The following DNER variants were observed in gnomAD, a reference collection of about 807,000 sequenced individuals.
The protein encoded by DNER is delta/notch like EGF repeat containing, also known as delta and Notch-like epidermal growth factor-related receptor.
In DNER, 33 loss-of-function variants were observed where a neutral mutation model predicts 78.2. The observed-to-expected ratio is 0.42, with a 90% CI of 0.32 to 0.56. The LOEUF is 0.56. Ranked by LOEUF, DNER falls within the 20% of genes least tolerant of loss-of-function variation. The pLI, the probability that DNER is intolerant of heterozygous loss-of-function variation, is 0.11. For synonymous variants in DNER, 417 were observed against 384.8 expected (o/e 1.08, Z -0.98); for missense variants, 918 against 975.3 (o/e 0.94, Z 0.78).
At chr2:229,401,358 C>G (rs78458076) in intron 10 of DNER, among the ~76,000 whole-genome samples, 8,900 of 152,110 alleles carry the variant, frequency 0.059, 310 homozygotes, top group Middle Eastern at 0.085. Context: ...TTTATGTTCA[C>G]ACATAAACCT....
At chr2:229,471,016 A>G (rs561876890) in intron 7 of DNER, among the ~76,000 whole-genome samples, 1 of 149,908 alleles carries the variant, frequency 6.7e-6, no homozygotes, top group Admixed American at 6.8e-5. Context: ...AAAGAACAAG[A>G]ACAGCATTTT....
At chr2:229,630,479 AAATAATAATAATAATAAT>A (rs200043673) in intron 1 of DNER, among the ~76,000 whole-genome samples, 7 of 139,054 alleles carry the variant, frequency 5.0e-5, no homozygotes, top group East Asian at 2.1e-4. Context: ...CTCCATCTCA[AAATAATAATAATAATAAT>A]AATAATAATA....
intron 7 of DNER, among the ~76,000 whole-genome samples, chr2:229,458,135 C>CAAAAAAAAA (rs61340733): frequency 5.1e-4 from 9 of 17,712 alleles, no homozygotes; most frequent in East Asian, 4.1e-3. Flanking sequence ...GACTCTATCT[C>CAAAAAAAAA]AAAAAAAAAA....
intron 3 of DNER, among the ~76,000 whole-genome samples, chr2:229,587,927 C>A (rs115654750): frequency 6.6e-6 from 1 of 151,766 alleles, no homozygotes; most frequent in East Asian, 1.9e-4. Flanking sequence ...TCTCTTTGTA[C>A]GCTTGCTTTT....
rs189819281 is a variant in DNER at position 229,487,661 on chromosome 2, G to A, written c.1148-10408C>T. ...ATTAGTTGAGTTTTAAGTTTTTGTA[G>A]TAAATCAAACTCTAAAGAAGGTATT... On this transcript the variant is annotated intron_variant, in intron 6 of 12. Transcript: ENST00000341772. 7.2e-5 allele frequency among the ~76,000 whole-genome samples: 11 copies of A among 152,252 alleles called. No individual in the cohort carries two copies. The East Asian group carries it at 2.1e-3, about 29-fold the overall frequency.
Position 229,438,967 on chromosome 2 carries a change from G to T in DNER, c.1486+8349C>A, listed in dbSNP as rs116491508. ...TCTGAGCTAACAGAGGCTCCAGCAG[G>T]TCCCAATTGCCTGGATTCAAGTCCC... On this transcript the variant is annotated intron_variant, in intron 8 of 12. Transcript: ENST00000341772. Among the ~76,000 whole-genome samples, 1,362 of 152,280 alleles carry T rather than the reference G, an allele frequency of 8.9e-3. 28 individuals are homozygous for T. Among genetic ancestry groups the T allele is most frequent in the African/African-American group, 0.031 (1,291 of 41,548 alleles).
At chr2:229,376,250 A>C (rs1200389366) in intron 11 of DNER, among the ~76,000 whole-genome samples, 1 of 152,184 alleles carries the variant, frequency 6.6e-6, no homozygotes, top group East Asian at 1.9e-4. Flanking sequence ...TTAAGTCATG[A>C]GGGCTCTGCC....
intron 6 of DNER, among the ~76,000 whole-genome samples, chr2:229,494,269 C>T (rs1445146812): frequency 1.3e-5 from 2 of 152,174 alleles, no homozygotes; most frequent in Non-Finnish European, 2.9e-5. Flanking sequence ...ATCCACATAC[C>T]ATCTAAATCA....
intron 8 of DNER, among the ~76,000 whole-genome samples, chr2:229,423,614 CAA>C (rs3085435): frequency 0.13 from 10,346 of 82,004 alleles, 1,180 homozygotes; most frequent in African/African-American, 0.33. Context: ...GACTACATCT[CAA>C]AAAAAAAAAA....
chr2:229,477,941 C>T (rs559496108), intron 6 of DNER, among the ~76,000 whole-genome samples: 19 of 152,210 alleles, frequency 1.2e-4, no homozygotes, highest in Middle Eastern at 3.4e-3. Flanking sequence ...GGATGTAAAT[C>T]GATTGGAACA....
At chr2:229,442,432 G>C (rs1694254846) in intron 8 of DNER, among the ~76,000 whole-genome samples, 1 of 151,900 alleles carries the variant, frequency 6.6e-6, no homozygotes, top group Non-Finnish European at 1.5e-5. Flanking sequence ...GGAGAATGGT[G>C]TGAACCTGGG....
chr2:229,370,844 T>C (rs939673834), intron 11 of DNER, among the ~76,000 whole-genome samples: 1 of 152,206 alleles, frequency 6.6e-6, no homozygotes, highest in African/African-American at 2.4e-5. Context: ...TCTTGCAGTC[T>C]ACGCATAAGC....
chr2:229,544,836 A>C (rs1227288522), intron 5 of DNER, among the ~76,000 whole-genome samples: 1 of 152,070 alleles, frequency 6.6e-6, no homozygotes, highest in Non-Finnish European at 1.5e-5. Flanking sequence ...ACCTGGCCGG[A>C]AAATGCTATA....
chr2:229,449,550 G>A (rs577788510), intron 7 of DNER, among the ~76,000 whole-genome samples: 1 of 151,978 alleles, frequency 6.6e-6, no homozygotes, highest in Non-Finnish European at 1.5e-5. Flanking sequence ...ACCCAAGATT[G>A]CATCTTATGA....
At chr2:229,485,853 T>C (rs967184028) in intron 6 of DNER, among the ~76,000 whole-genome samples, 6 of 152,206 alleles carry the variant, frequency 3.9e-5, no homozygotes, top group African/African-American at 1.4e-4. Flanking sequence ...GCTTTGGCTC[T>C]CTAAGGCAGA....
intron 1 of DNER, among the ~76,000 whole-genome samples, chr2:229,666,138 C>T (rs1051093490): frequency 6.6e-6 from 1 of 152,210 alleles, no homozygotes; most frequent in Non-Finnish European, 1.5e-5. Context: ...CTATCCGCTA[C>T]ACAAGTCCTG....
intron 7 of DNER, among the ~76,000 whole-genome samples, chr2:229,465,866 C>T (rs982650486): frequency 3.3e-5 from 5 of 152,124 alleles, no homozygotes; most frequent in East Asian, 3.9e-4. Context: ...CTCAAAAATG[C>T]TCAGCTCCCA....
chr2:229,465,468 A>G (rs1694784112), intron 7 of DNER, among the ~76,000 whole-genome samples: 1 of 152,190 alleles, frequency 6.6e-6, no homozygotes, highest in Non-Finnish European at 1.5e-5. Context: ...CAGCTAATGC[A>G]TACAGGGCTT....
intron 5 of DNER, among the ~76,000 whole-genome samples, chr2:229,521,568 A>G (rs1428618825): frequency 1.3e-5 from 2 of 152,238 alleles, no homozygotes; most frequent in Non-Finnish European, 2.9e-5. Flanking sequence ...TTGATTAAGC[A>G]TAGGCGAGCT....
Sources: gnomAD v4.1 joint callset for allele counts (sites outside exome capture counted in the v4.1 genomes callset) on GRCh38, gnomAD v4.1.1 for gene constraint, MANE v1.5 for transcripts, NCBI Gene and HGNC (gene_info 2026-07-23, HGNC 2026-07-21) for gene names.